Variants in KCNJ3 observed in about 807,000 individuals in gnomAD.
KCNJ3 encodes G protein-activated inward rectifier potassium channel 1.
In KCNJ3, 4 loss-of-function variants were observed where a neutral mutation model predicts 39.2. That is an observed-to-expected ratio of 0.10 (90% CI 0.05 to 0.23). The LOEUF (loss-of-function observed/expected upper bound fraction) is 0.23, where lower values mean the gene tolerates loss of function less well. KCNJ3 is among the 10% of genes least tolerant of loss of function. KCNJ3 has a pLI of 1.00. For missense variants in KCNJ3, 276 were observed against 634.9 expected (o/e 0.43, Z 6.08); for synonymous variants, 230 against 237.4 (o/e 0.97, Z 0.29).
chr2:154,801,518 TTTC>T (rs1364323027), intron 2 of KCNJ3, among the ~76,000 whole-genome samples: 7 of 151,760 alleles, frequency 4.6e-5, no homozygotes, highest in Admixed American at 2.0e-4. Context: ...TTTTCTTTTC[TTTC>T]TTTCCTTCTT....
At chr2:154,835,340 CT>C (rs111856190) in intron 2 of KCNJ3, among the ~76,000 whole-genome samples, 2,161 of 95,042 alleles carry the variant, frequency 0.023, 62 homozygotes, top group African/African-American at 0.066. Context: ...AAATTATTTT[CT>C]TTTTTTTGTT....
chr2:154,819,630 A>C (rs1687136560), intron 2 of KCNJ3, among the ~76,000 whole-genome samples: 1 of 151,912 alleles, frequency 6.6e-6, no homozygotes, highest in South Asian at 2.1e-4. Flanking sequence ...TCCCGGGTTC[A>C]AGCTATTCTT....
chr2:154,701,364 G>A (rs1388386073), intron 1 of KCNJ3, among the ~76,000 whole-genome samples: 1 of 151,946 alleles, frequency 6.6e-6, no homozygotes, highest in East Asian at 1.9e-4. Flanking sequence ...AACATTTAAG[G>A]TTATTTATTA....
rs570303439 is a variant in KCNJ3, at chr2:154,707,584, T to G, written c.703-2019T>G. 3.3e-5 allele frequency among the ~76,000 whole-genome samples: 5 copies of G among 152,246 alleles called. No individual in the cohort carries two copies. The East Asian group carries it at 9.6e-4, about 29-fold the overall frequency. On this transcript the variant is annotated intron_variant, in intron 1 of 2. Transcript: ENST00000295101. ...AGGAAGACAAATTTTAATATTTGTGTACATATATAATACTTGGGAAAATAT... is the reference window on the plus strand; with the variant it reads ...AGGAAGACAAATTTTAATATTTGTGGACATATATAATACTTGGGAAAATAT...
chr2:154,782,046 G>T (rs899075895), intron 2 of KCNJ3, among the ~76,000 whole-genome samples: 1 of 152,258 alleles, frequency 6.6e-6, no homozygotes, highest in East Asian at 1.9e-4. Flanking sequence ...TGATATTGAG[G>T]TGTATACAAT....
intron 2 of KCNJ3, among the ~76,000 whole-genome samples, chr2:154,809,830 A>G (rs1374634012): frequency 6.6e-6 from 1 of 152,108 alleles, no homozygotes; most frequent in Non-Finnish European, 1.5e-5. Flanking sequence ...GAATATTATA[A>G]AGAAATAACA....
intron 2 of KCNJ3, among the ~76,000 whole-genome samples, chr2:154,806,893 A>G (rs1213168320): frequency 6.6e-6 from 1 of 152,168 alleles, no homozygotes; most frequent in Admixed American, 6.6e-5. Context: ...GAACTAATCC[A>G]GGTACACCAG....
At chr2:154,726,476 A>G (rs945717156) in intron 2 of KCNJ3, among the ~76,000 whole-genome samples, 1 of 152,084 alleles carries the variant, frequency 6.6e-6, no homozygotes, top group African/African-American at 2.4e-5. Flanking sequence ...GTTAGTGTGG[A>G]TGTGGTGAAA....
rs1421883511 is a variant in KCNJ3, at chr2:154,726,792, T to TACACACACAC, written c.919+16976_919+16977insCACACACACA. Among the ~76,000 whole-genome samples, 35 of 101,384 alleles carry TACACACACAC rather than the reference T, an allele frequency of 3.5e-4. 1 individual carries two copies. The highest frequency in any genetic ancestry group is 4.7e-3 in the Middle Eastern group (1 of 214). The allele number at this position is 101,384 out of a possible 152,430, so 66.5% of individuals were successfully genotyped here. On this transcript the variant is annotated intron_variant, in intron 2 of 2. Transcript: ENST00000295101. ...CACACACACACACATACATTTTATA[T>TACACACACAC]ACATACACACACACACACACACACA...
At chr2:154,831,302 A>G (rs1013453671) in intron 2 of KCNJ3, among the ~76,000 whole-genome samples, 3 of 152,132 alleles carry the variant, frequency 2.0e-5, no homozygotes, top group Non-Finnish European at 4.4e-5. Flanking sequence ...GAGGTTTGTC[A>G]TCATTCAAAA....
rs1165150757 is a variant in KCNJ3 at position 154,843,951 on chromosome 2, G to A, written c.920-10776G>A. ...TTCTGAAGCCTACTTCTGTCAACTC[G>A]TCAAAGTCGTTCTCCATCCAGCTTT... On this transcript the variant is annotated intron_variant, in intron 2 of 2. Transcript: ENST00000295101. 6.6e-5 allele frequency among the ~76,000 whole-genome samples: 10 copies of A among 152,160 alleles called. 1 individual carries two copies. The highest frequency in any genetic ancestry group is 2.9e-5 in the Non-Finnish European group (2 of 68,030).
At chr2:154,795,666 A>G (rs1001714436) in intron 2 of KCNJ3, among the ~76,000 whole-genome samples, 1 of 151,984 alleles carries the variant, frequency 6.6e-6, no homozygotes, top group Non-Finnish European at 1.5e-5. Flanking sequence ...TTTCATGTTG[A>G]TTTGGTAGCT....
chr2:154,775,974 T>C (rs1686325667), intron 2 of KCNJ3, among the ~76,000 whole-genome samples: 1 of 151,726 alleles, frequency 6.6e-6, no homozygotes, highest in Admixed American at 6.6e-5. Context: ...CAGATAACCT[T>C]TTTTAAAAAA....
chr2:154,797,799 T>G (rs1177255282), intron 2 of KCNJ3, among the ~76,000 whole-genome samples: 5 of 152,106 alleles, frequency 3.3e-5, no homozygotes, highest in African/African-American at 1.2e-4. Context: ...AGATTGAACA[T>G]TCAGATTGTT....
At chr2:154,845,954 A>G (rs962256850) in intron 2 of KCNJ3, among the ~76,000 whole-genome samples, 4 of 148,756 alleles carry the variant, frequency 2.7e-5, no homozygotes, top group Non-Finnish European at 6.0e-5. Context: ...TGGGCGTCAC[A>G]GCGAGACTCT....
chr2:154,815,551 A>C (rs1687070554), intron 2 of KCNJ3, among the ~76,000 whole-genome samples: 2 of 152,228 alleles, frequency 1.3e-5, no homozygotes, highest in African/African-American at 4.8e-5. Context: ...GACTAAATGG[A>C]TGGAAAATGT....
At chr2:154,764,232 A>G (rs11886060) in intron 2 of KCNJ3, among the ~76,000 whole-genome samples, 7,874 of 152,294 alleles carry the variant, frequency 0.052, 223 homozygotes, top group African/African-American at 0.06. Flanking sequence ...TTAAGGGGTG[A>G]AAATATCTCT....
At chr2:154,712,705 G>A (rs540591109) in intron 2 of KCNJ3, among the ~76,000 whole-genome samples, 2 of 152,220 alleles carry the variant, frequency 1.3e-5, no homozygotes, top group Admixed American at 6.5e-5. Context: ...CGGGGGGTGA[G>A]CGTGGGGAAC....
chr2:154,756,237 A>G (rs1685934656), intron 2 of KCNJ3, among the ~76,000 whole-genome samples: 1 of 152,154 alleles, frequency 6.6e-6, no homozygotes, highest in Non-Finnish European at 1.5e-5. Flanking sequence ...AATAATAATG[A>G]TAATGGTAGT....
Sources: gnomAD v4.1 joint callset for allele counts (sites outside exome capture counted in the v4.1 genomes callset) on GRCh38, gnomAD v4.1.1 for gene constraint, MANE v1.5 for transcripts, NCBI Gene and HGNC (gene_info 2026-07-23, HGNC 2026-07-21) for gene names.